Variants in TMEM132B observed in about 807,000 individuals in gnomAD.
TMEM132B encodes the protein transmembrane protein 132B.
In TMEM132B, 18 loss-of-function variants were observed where a neutral mutation model predicts 90.8. The ratio of observed to expected loss-of-function variants is 0.20; its 90% confidence interval spans 0.14 to 0.29. The LOEUF is 0.29. Ranked by LOEUF, TMEM132B falls within the 10% of genes least tolerant of loss-of-function variation. The pLI is 1.00. For missense variants in TMEM132B, 1,096 were observed against 1,326.8 expected, an observed-to-expected ratio of 0.83 and a Z score of 2.70; for synonymous variants, 504 against 523.3, an observed-to-expected ratio of 0.96 and a Z score of 0.50.
At chr12:125,477,031 C>T (rs897473427) in intron 3 of TMEM132B, among the ~76,000 whole-genome samples, 10 of 152,050 alleles carry the variant, frequency 6.6e-5, no homozygotes, top group African/African-American at 2.4e-4. Context: ...GCTGAGTATA[C>T]CTTAGTAGAG....
At chr12:125,644,331 T>C (rs1233014470) in intron 6 of TMEM132B, 50 bp downstream of exon 6, 1 of 1,589,588 alleles carries the variant, frequency 6.3e-7, no homozygotes, top group East Asian at 2.3e-5. Flanking sequence ...GGAGTCCAGA[T>C]CTTTGTGGGA....
At chr12:125,383,505 T>G (rs536526911) in intron 2 of TMEM132B, among the ~76,000 whole-genome samples, 5 of 152,342 alleles carry the variant, frequency 3.3e-5, no homozygotes, top group Admixed American at 3.3e-4. Context: ...TCTAAACTCA[T>G]ATTACCTTGG....
chr12:125,378,310 C>T (rs1878554723), intron 2 of TMEM132B, among the ~76,000 whole-genome samples: 1 of 152,214 alleles, frequency 6.6e-6, no homozygotes, highest in Non-Finnish European at 1.5e-5. Flanking sequence ...CCCTATTCTG[C>T]CATGGACCAG....
chr12:125,244,292 A>T (rs1179423806), intron 1 of TMEM132B, among the ~76,000 whole-genome samples: 1 of 152,158 alleles, frequency 6.6e-6, no homozygotes, highest in African/African-American at 2.4e-5. Flanking sequence ...TTGCTGGGTG[A>T]CAGGGCAGCT....
intron 4 of TMEM132B, among the ~76,000 whole-genome samples, chr12:125,526,063 A>T (rs1166795442): frequency 6.6e-6 from 1 of 152,176 alleles, no homozygotes; most frequent in East Asian, 1.9e-4. Context: ...GGAGCTGCAC[A>T]CACTCTGGGA....
chr12:125,524,545 G>A (rs1455020942), intron 4 of TMEM132B, among the ~76,000 whole-genome samples: 2 of 152,202 alleles, frequency 1.3e-5, no homozygotes, highest in Non-Finnish European at 2.9e-5. Context: ...TCTGTAAACT[G>A]TAAAAATCAC....
At chr12:125,313,746 G>C (rs1473667991) in intron 1 of TMEM132B, among the ~76,000 whole-genome samples, 3 of 114,074 alleles carry the variant, frequency 2.6e-5, no homozygotes, top group Non-Finnish European at 5.1e-5. Flanking sequence ...ATGCAACCCA[G>C]GCTGGCTTCA....
intron 3 of TMEM132B, among the ~76,000 whole-genome samples, chr12:125,468,709 TA>T (rs1242499873): frequency 6.6e-6 from 1 of 152,242 alleles, no homozygotes; most frequent in Non-Finnish European, 1.5e-5. Flanking sequence ...TTAATAATAT[TA>T]AGTCTTTCAA....
At chr12:125,603,155 C>T (rs1490886929) in intron 5 of TMEM132B, among the ~76,000 whole-genome samples, 1 of 152,264 alleles carries the variant, frequency 6.6e-6, no homozygotes, top group East Asian at 1.9e-4. Context: ...CCAAGAAAAT[C>T]TTAAGTGAAG....
intron 3 of TMEM132B, among the ~76,000 whole-genome samples, chr12:125,439,249 T>G (rs1199117883): frequency 1.3e-5 from 2 of 152,210 alleles, no homozygotes; most frequent in Non-Finnish European, 2.9e-5. Context: ...ATCTGCACAT[T>G]GCTCTGGGCA....
chr12:125,512,629 A>G lies in TMEM132B; in HGVS notation c.1107-6810A>G, dbSNP rs530558975. ...GAGAGAATGTTTTGAGTCCTAAAAG[A>G]TAAGTCCCTGATTTAGACTAGTGGA... is the stretch of plus-strand genomic sequence containing the variant. On this transcript the variant is annotated intron_variant, in intron 3 of 8. Coordinates refer to ENST00000682704, the MANE Select transcript of TMEM132B (RefSeq NM_001366854.1). Among the ~76,000 whole-genome samples the G allele has an allele frequency of 4.6e-5, 7 of 152,328 alleles. 1 individual carries two copies. Among genetic ancestry groups the G allele is most frequent in the African/African-American group, 9.6e-5 (4 of 41,574 alleles).
chr12:125,189,808 T>C (rs1048435906), intron 1 of TMEM132B, among the ~76,000 whole-genome samples: 1 of 151,986 alleles, frequency 6.6e-6, no homozygotes, highest in African/African-American at 2.4e-5. Context: ...GCTGGGAGTC[T>C]GGGGTGGGGG....
At chr12:125,588,796 C>T (rs1885237458) in intron 5 of TMEM132B, among the ~76,000 whole-genome samples, 1 of 152,142 alleles carries the variant, frequency 6.6e-6, no homozygotes, top group African/African-American at 2.4e-5. Context: ...AGATAAATTT[C>T]CCGCTCATTC....
intron 1 of TMEM132B, among the ~76,000 whole-genome samples, chr12:125,326,989 C>T (rs1364508813): frequency 1.3e-5 from 2 of 151,964 alleles, no homozygotes; most frequent in Non-Finnish European, 2.9e-5. Flanking sequence ...CACCTGCTTT[C>T]CCTTCTCTCT....
intron 1 of TMEM132B, among the ~76,000 whole-genome samples, chr12:125,288,856 C>G (rs1875447806): frequency 6.6e-6 from 1 of 152,108 alleles, no homozygotes; most frequent in Admixed American, 6.6e-5. Context: ...AGGGGTATTC[C>G]TCACAGTGGG....
intron 3 of TMEM132B, among the ~76,000 whole-genome samples, chr12:125,474,426 G>A (rs1233311606): frequency 1.3e-5 from 2 of 151,962 alleles, no homozygotes; most frequent in African/African-American, 4.8e-5. Context: ...CTTTGGAGTA[G>A]CTGGGACTAC....
intron 2 of TMEM132B, among the ~76,000 whole-genome samples, chr12:125,356,739 C>T (rs2136243151): frequency 6.6e-6 from 1 of 152,314 alleles, no homozygotes; most frequent in Middle Eastern, 3.4e-3. Context: ...CTGTTATCTC[C>T]CATGACTTTT....
At chr12:125,273,791 G>A (rs984572933) in intron 1 of TMEM132B, among the ~76,000 whole-genome samples, 1 of 152,082 alleles carries the variant, frequency 6.6e-6, no homozygotes, top group African/African-American at 2.4e-5. Flanking sequence ...TCAGCTTCCC[G>A]AATAGCCTGG....
Position 125,406,677 on chromosome 12 carries a change from G to A in TMEM132B, c.960-8854G>A, listed in dbSNP as rs1386407674. On this transcript the variant is annotated intron_variant, in intron 2 of 8. Transcript: ENST00000682704. The surrounding 1 kb of genome is among the most constrained non-coding windows in gnomAD (Gnocchi z 8.3). ...TTGCACGCTTCCTTCTCCAACCCCC[G>A]CCCATGGCAGACAGTGAAAGACTTG... 5.9e-5 allele frequency among the ~76,000 whole-genome samples: 9 copies of A among 152,020 alleles called. No individual in the cohort carries two copies. The highest frequency in any genetic ancestry group is 2.0e-4 in the Admixed American group (3 of 15,262).
Sources: allele counts gnomAD v4.1 joint callset (sites outside exome capture counted in the v4.1 genomes callset), GRCh38; gene constraint gnomAD v4.1.1; non-coding constraint Gnocchi (gnomAD v3.1); transcripts MANE v1.5; gene names NCBI Gene and HGNC (gene_info 2026-07-23, HGNC 2026-07-21).